The following NR3C1 variants were observed in gnomAD, a reference collection of about 807,000 sequenced individuals.
NR3C1 encodes nuclear receptor subfamily 3 group C member 1, also known as glucocorticoid receptor.
Under a neutral mutation model 74.0 loss-of-function variants are expected in NR3C1, and 14 were observed. That is an observed-to-expected ratio of 0.19 (90% CI 0.12 to 0.30). The LOEUF (loss-of-function observed/expected upper bound fraction) is 0.30, where lower values mean the gene tolerates loss of function less well. Ranked by LOEUF, NR3C1 falls within the 10% of genes least tolerant of loss-of-function variation. The pLI is 1.00. For missense variants in NR3C1, 695 were observed against 909.8 expected, an observed-to-expected ratio of 0.76 and a Z score of 3.04; for synonymous variants, 308 against 332.5, an observed-to-expected ratio of 0.93 and a Z score of 0.80.
intron 2 of NR3C1, among the ~76,000 whole-genome samples, chr5:143,347,069 G>A (rs772933107): frequency 2.0e-5 from 3 of 152,160 alleles, no homozygotes; most frequent in Non-Finnish European, 4.4e-5. Context: ...CTCCCTGCCT[G>A]TCTCTCTTTT....
chr5:143,421,184 T>C (rs1317401637), intron 1 of NR3C1, among the ~76,000 whole-genome samples: 1 of 152,208 alleles, frequency 6.6e-6, no homozygotes, highest in Non-Finnish European at 1.5e-5. Context: ...TGATGGCTCC[T>C]GTAGCCTCTG....
At position 143,338,488 on chromosome 5, in the gene NR3C1, T is replaced by C. The variant is rs147306762; in HGVS notation, c.1185-24320A>G. Among the ~76,000 whole-genome samples the C allele has an allele frequency of 2.4e-3, 360 of 152,278 alleles. 1 individual carries two copies. Among genetic ancestry groups the C allele is most frequent in the African/African-American group, 8.1e-3 (338 of 41,570 alleles). ...CTTCCAGTGGGATAACATGTGAAGG[T>C]TGAACACTGATGACACTGACTTTGT... On this transcript the variant is annotated intron_variant, in intron 2 of 8. Transcript: ENST00000394464.
chr5:143,343,340 C>T (rs1184099381), intron 2 of NR3C1, among the ~76,000 whole-genome samples: 1 of 152,190 alleles, frequency 6.6e-6, no homozygotes. Flanking sequence ...AATTGTCTAG[C>T]AGGAGGCAGG....
intron 2 of NR3C1, among the ~76,000 whole-genome samples, chr5:143,334,408 G>A (rs542085800): frequency 6.6e-6 from 1 of 152,280 alleles, no homozygotes; most frequent in Non-Finnish European, 1.5e-5. Flanking sequence ...AGTAGCTTAT[G>A]TTCATGTCAA....
At chr5:143,378,793 A>G (rs1450347947) in intron 2 of NR3C1, among the ~76,000 whole-genome samples, 6 of 152,126 alleles carry the variant, frequency 3.9e-5, no homozygotes, top group Non-Finnish European at 2.9e-5. Flanking sequence ...TGGCCCTTTT[A>G]ATTTTTTAAA....
In NR3C1 at chr5:143,403,410, A is replaced by T; in HGVS notation, c.-213T>A. On this transcript the variant is annotated 5_prime_UTR_variant, in exon 1 of 9. Coordinates refer to ENST00000394464, the MANE Select transcript of NR3C1 (RefSeq NM_000176.3). ...GAAAGTCTCCCATTGCCCAGCTGACAAGCCAGCCCTCCGCCCCGCGCCGGG... is the reference window on the plus strand; with the variant it reads ...GAAAGTCTCCCATTGCCCAGCTGACTAGCCAGCCCTCCGCCCCGCGCCGGG... 2.0e-6 allele frequency: 2 copies of T among 984,506 alleles called. No individual in the cohort carries two copies. The highest frequency in any genetic ancestry group is 2.4e-6 in the Non-Finnish European group (2 of 829,764). The allele number at this position is 984,506 out of a possible 1,614,324, so 61.0% of individuals were successfully genotyped here.
chr5:143,342,627 G>A (rs868401378), intron 2 of NR3C1, among the ~76,000 whole-genome samples: 8 of 152,184 alleles, frequency 5.3e-5, no homozygotes, highest in Non-Finnish European at 5.9e-5. Flanking sequence ...GCCCCAAAAT[G>A]TTTTAAGAAG....
intron 2 of NR3C1, among the ~76,000 whole-genome samples, chr5:143,340,722 C>T (rs1158557140): frequency 6.6e-6 from 1 of 152,058 alleles, no homozygotes; most frequent in Non-Finnish European, 1.5e-5. Flanking sequence ...ACCTCGTGAT[C>T]CGCCCGGCTT....
intron 1 of NR3C1, among the ~76,000 whole-genome samples, chr5:143,426,867 GGTGAAGAGGGCACCAACA>G (rs1209534516): frequency 6.6e-6 from 1 of 152,174 alleles, no homozygotes; most frequent in Non-Finnish European, 1.5e-5. Context: ...TGTGTCTCCT[GGTGAAGAGGGCACCAACA>G]GTATCTGCTC....
intron 1 of NR3C1, among the ~76,000 whole-genome samples, chr5:143,420,725 G>A (rs35290813): frequency 0.18 from 27,164 of 151,934 alleles, 2,619 homozygotes; most frequent in Middle Eastern, 0.35. Context: ...AGAATTACCC[G>A]GCCCAAAATG....
At chr5:143,345,380 T>C (rs970685525) in intron 2 of NR3C1, among the ~76,000 whole-genome samples, 2 of 152,132 alleles carry the variant, frequency 1.3e-5, no homozygotes, top group African/African-American at 4.8e-5. Context: ...TGGCTAATTT[T>C]TGTATTTTTA....
At chr5:143,411,781 C>G (rs1199811209) in intron 1 of NR3C1, among the ~76,000 whole-genome samples, 1 of 152,080 alleles carries the variant, frequency 6.6e-6, no homozygotes, top group African/African-American at 2.4e-5. Context: ...CATTTACTAA[C>G]ACACTAATGG....
At chr5:143,358,731 G>A (rs1351288031) in intron 2 of NR3C1, among the ~76,000 whole-genome samples, 10 of 150,678 alleles carry the variant, frequency 6.6e-5, no homozygotes, top group Middle Eastern at 3.4e-3. Flanking sequence ...GAGAAACCCC[G>A]TCTCTACTAA....
intron 2 of NR3C1, among the ~76,000 whole-genome samples, chr5:143,368,802 T>TA (rs958187376): frequency 6.6e-5 from 10 of 151,842 alleles, no homozygotes; most frequent in Non-Finnish European, 1.3e-4. Context: ...TGTAATTTAT[T>TA]AAAAAAAAGA....
At chr5:143,411,377 G>C (rs1259540263) in intron 1 of NR3C1, among the ~76,000 whole-genome samples, 1 of 152,166 alleles carries the variant, frequency 6.6e-6, no homozygotes, top group African/African-American at 2.4e-5. Context: ...GCTATTATCA[G>C]CAAAAGAAGT....
rs1373426045 is a variant in NR3C1 at position 143,300,190 on chromosome 5, C to A, written c.1747+295G>T. Among the ~76,000 whole-genome samples the A allele has an allele frequency of 2.0e-5, 3 of 152,104 alleles. No individual in the cohort carries two copies. Among genetic ancestry groups the A allele is most frequent in the Non-Finnish European group, 4.4e-5 (3 of 68,020 alleles). On this transcript the variant is annotated intron_variant, in intron 5 of 8. Coordinates refer to ENST00000394464, the MANE Select transcript of NR3C1 (RefSeq NM_000176.3). The surrounding 1 kb of genome is among the most constrained non-coding windows in gnomAD (Gnocchi z 5.2). Reference sequence around the variant, plus strand: ...AATTAACTAAAAACATTTTCTTTCCCCAAACTTCAGTGTAAAAGGAGTTTT... The same window carrying A: ...AATTAACTAAAAACATTTTCTTTCCACAAACTTCAGTGTAAAAGGAGTTTT...
chr5:143,342,531 G>C (rs533374838), intron 2 of NR3C1, among the ~76,000 whole-genome samples: 28 of 152,290 alleles, frequency 1.8e-4, no homozygotes, highest in African/African-American at 6.5e-4. Context: ...AACATTTGCT[G>C]AATCAATTTA....
intron 2 of NR3C1, among the ~76,000 whole-genome samples, chr5:143,387,360 T>C (rs1837430218): frequency 6.6e-6 from 1 of 152,252 alleles, no homozygotes; most frequent in Non-Finnish European, 1.5e-5. Flanking sequence ...CTGGCTTTGA[T>C]TTTTGGGAAT....
At chr5:143,308,284 A>T (rs1231951561) in intron 4 of NR3C1, among the ~76,000 whole-genome samples, 1 of 151,846 alleles carries the variant, frequency 6.6e-6, no homozygotes, top group Non-Finnish European at 1.5e-5. Flanking sequence ...ACATAGCAAG[A>T]CCCCTTTGTC....
Sources: allele counts gnomAD v4.1 joint callset (sites outside exome capture counted in the v4.1 genomes callset), GRCh38; gene constraint gnomAD v4.1.1; non-coding constraint Gnocchi (gnomAD v3.1); transcripts MANE v1.5; gene names NCBI Gene and HGNC (gene_info 2026-07-23, HGNC 2026-07-21).